Variants in UTP4 observed in about 807,000 individuals in gnomAD.
UTP4 encodes the protein UTP4 small subunit processome component.
A neutral mutation model predicts 82.4 loss-of-function variants in UTP4; 45 were observed. That is an observed-to-expected ratio of 0.55 (90% CI 0.43 to 0.70). UTP4 has a LOEUF of 0.70. UTP4 is among the 30% of genes least tolerant of loss of function. The pLI is 0.00. For missense variants in UTP4, 819 were observed against 858.3 expected, an observed-to-expected ratio of 0.95 and a Z score of 0.57; for synonymous variants, 348 against 300.3, an observed-to-expected ratio of 1.16 and a Z score of -1.64.
chr16:69,165,481 C>T lies in UTP4; in HGVS notation c.1788C>T (p.Ile596=), dbSNP rs75998507. The stretch of plus-strand genomic sequence containing the variant: ...TTCATCCCAAGAGACCGATGCACAT[C>T]CTTCTCCATGATGCCTACATGTTCT... ...ISFHPKRPMH[I]LLHDAYMFCI... Residue 596 remains isoleucine, a synonymous_variant, in exon 15 of 17, where the codon ATC becomes ATT. Coordinates refer to ENST00000314423, the MANE Select transcript of UTP4 (RefSeq NM_032830.3). The T allele has an allele frequency of 5.6e-4, 901 of 1,614,140 alleles. 15 individuals are homozygous for T. In the East Asian group the frequency reaches 0.016, roughly 28 times the overall value.
rs34392768 is a variant in UTP4, at chr16:69,158,161, CTTTTTT to C, written c.1444+946_1444+951del. 1.4e-3 allele frequency among the ~76,000 whole-genome samples: 57 copies of C among 40,396 alleles called. No homozygotes were observed. In the East Asian group the frequency reaches 0.021, roughly 15 times the overall value. The allele number at this position is 40,396 out of a possible 152,430, so 26.5% of individuals were successfully genotyped here. A position where few individuals can be genotyped will look rare whatever the true frequency, so the allele number is the denominator to read the frequency against. ...CTCCCATCAGCCTGGAAAGTCAACTCTTTTTTTTTTTTTTTTTTTTTTTTTTTTTTG... is the reference window on the plus strand; with the variant it reads ...CTCCCATCAGCCTGGAAAGTCAACTCTTTTTTTTTTTTTTTTTTTTTTTTG... On this transcript the variant is annotated intron_variant, in intron 12 of 16. Transcript: ENST00000314423.
intron 13 of UTP4, among the ~76,000 whole-genome samples, chr16:69,162,605 G>A (rs919564261): frequency 5.9e-5 from 9 of 151,916 alleles, no homozygotes; most frequent in Non-Finnish European, 8.8e-5. Context: ...CCAGCTGCTC[G>A]GGAGGCTGAG....
At chr16:69,139,752 G>A in intron 4 of UTP4, 73 bp from the exon 5 acceptor site, 2 of 957,216 alleles carry the variant, frequency 2.1e-6, no homozygotes, top group South Asian at 2.6e-5. Flanking sequence ...AGATAGTTGT[G>A]GGAAGAGAGC....
chr16:69,164,598 A>ATATATATC, intron 14 of UTP4, among the ~76,000 whole-genome samples: 1 of 143,094 alleles, frequency 7.0e-6, no homozygotes, highest in South Asian at 2.1e-4. Context: ...ATATATATAT[A>ATATATATC]TATATATATA....
At chr16:69,143,887 CT>C (rs962608252) in intron 6 of UTP4, among the ~76,000 whole-genome samples, 1 of 149,450 alleles carries the variant, frequency 6.7e-6, no homozygotes, top group African/African-American at 2.5e-5. Context: ...AGTAGTAGTT[CT>C]TTTTTTTTCT....
At chr16:69,162,993 A>G (rs903832282) in intron 13 of UTP4, 90 bp from the exon 14 acceptor site, 15 of 960,542 alleles carry the variant, frequency 1.6e-5, no homozygotes, top group Non-Finnish European at 2.4e-5. Context: ...TATGAGGAGC[A>G]GTATTTAAAC....
chr16:69,160,087 A>G (rs958886844), intron 12 of UTP4, among the ~76,000 whole-genome samples: 3 of 152,168 alleles, frequency 2.0e-5, no homozygotes, highest in African/African-American at 4.8e-5. Flanking sequence ...GTCATTCTCT[A>G]TTCCTGTAGT....
intron 8 of UTP4, among the ~76,000 whole-genome samples, chr16:69,151,627 T>C (rs998310318): frequency 3.8e-5 from 3 of 78,316 alleles, no homozygotes; most frequent in African/African-American, 2.2e-4. Flanking sequence ...GCCCCTGCCT[T>C]TTTTTTTTTT....
At chr16:69,138,015 T>C in intron 4 of UTP4, 130 bp downstream of exon 4, 1 of 699,676 alleles carries the variant, frequency 1.4e-6, no homozygotes, top group Non-Finnish European at 2.6e-6. Flanking sequence ...GGAGGGTATG[T>C]GCTAGAAGCC....
At chr16:69,167,577 C>T (rs1963732508) in intron 16 of UTP4, 1 of 205,384 alleles carries the variant, frequency 4.9e-6, no homozygotes, top group East Asian at 1.3e-4. Context: ...GCAGGTGGAT[C>T]TCCTCAGCCC....
chr16:69,157,104 C>G lies in UTP4; in HGVS notation c.1308C>G (p.Phe436Leu), dbSNP rs140221825. 4.3e-6 allele frequency: 7 copies of G among 1,614,116 alleles called. No homozygotes were observed. Among genetic ancestry groups the G allele is most frequent in the Non-Finnish European group, 5.9e-6 (7 of 1,180,060 alleles). The change falls in exon 12 of 17, where the codon TTC (phenylalanine) becomes TTG (leucine). Residue 436 changes from phenylalanine to leucine, a missense_variant. By Grantham distance (22) the Phe-to-Leu change is conservative. Transcript: ENST00000314423. Reference protein sequence around the residue: ...SLKRVSKMPAFLRSALQILFS... With the variant: ...SLKRVSKMPALLRSALQILFS... ...CAAAGGTTTCCAAAATGCCAGCATT[C>G]CTTCGCTCTGCCCTTCAGATTTTGT...
chr16:69,140,492 G>A (rs1258097731), intron 5 of UTP4, among the ~76,000 whole-genome samples: 1 of 152,118 alleles, frequency 6.6e-6, no homozygotes, highest in Non-Finnish European at 1.5e-5. Context: ...GAGGTGGGTG[G>A]ATCACCTGAG....
chr16:69,161,187 A>G (rs1039182863), intron 13 of UTP4, among the ~76,000 whole-genome samples: 6 of 152,234 alleles, frequency 3.9e-5, no homozygotes, highest in Admixed American at 3.3e-4. Context: ...AAAACTTCGA[A>G]AAAGGAATAC....
chr16:69,153,196 TC>T, intron 8 of UTP4, among the ~76,000 whole-genome samples: 1 of 152,334 alleles, frequency 6.6e-6, no homozygotes, highest in East Asian at 1.9e-4. Context: ...CTGCCCTGCC[TC>T]CTTCGCCTGA....
Position 69,157,169 on chromosome 16 carries a change from A to G in UTP4, c.1373A>G (p.Gln458Arg), listed in dbSNP as rs767691946. Residue 458 changes from glutamine to arginine, a missense_variant, in exon 12 of 17, where the codon CAA (glutamine) becomes CGA (arginine). Physicochemically the swap from Gln to Arg is conservative, Grantham distance 43 (BLOSUM62 1). Transcript: ENST00000314423. ...DSTKLFVASN[Q>R]GALHIVQLSG... ...ACAAAGCTCTTTGTAGCATCAAATC[A>G]AGGAGCTCTGCATATTGTTCAGCTG... is the stretch of plus-strand genomic sequence containing the variant. 1.5e-5 allele frequency: 24 copies of G among 1,614,228 alleles called. No individual in the cohort carries two copies. Among genetic ancestry groups the G allele is most frequent in the Non-Finnish European group, 2.0e-5 (24 of 1,180,034 alleles).
chr16:69,136,396 T>G (rs1328920996), intron 2 of UTP4, among the ~76,000 whole-genome samples: 1 of 152,202 alleles, frequency 6.6e-6, no homozygotes, highest in African/African-American at 2.4e-5. Context: ...CCCGGCTACT[T>G]TTTATATTTT....
At chr16:69,140,882 C>T (rs973369667) in intron 5 of UTP4, among the ~76,000 whole-genome samples, 14 of 152,158 alleles carry the variant, frequency 9.2e-5, no homozygotes, top group Non-Finnish European at 1.9e-4. Flanking sequence ...TCTTTTTCTA[C>T]CGTCTGCCAC....
At chr16:69,148,613 C>CTT (rs752824037) in intron 6 of UTP4, among the ~76,000 whole-genome samples, 17 of 138,354 alleles carry the variant, frequency 1.2e-4, no homozygotes, top group African/African-American at 2.4e-4. Context: ...ATCTTCATTA[C>CTT]TTTTTTTTTT....
chr16:69,157,354 A>G (rs915508439), intron 12 of UTP4, 114 bp downstream of exon 12: 5 of 1,000,140 alleles, frequency 5.0e-6, no homozygotes, highest in African/African-American at 1.6e-5. Flanking sequence ...CTGCAGATAC[A>G]CTCACTCACA....
Sources: allele counts gnomAD v4.1 joint callset (sites outside exome capture counted in the v4.1 genomes callset), GRCh38; gene constraint gnomAD v4.1.1; transcripts MANE v1.5; gene names NCBI Gene and HGNC (gene_info 2026-07-23, HGNC 2026-07-21).